SH3BP5: variants seen among roughly 807,000 people sequenced by gnomAD.
SH3BP5 encodes the protein SH3 domain binding protein 5, also known as SH3 domain-binding protein 5.
A neutral mutation model predicts 43.3 loss-of-function variants in SH3BP5; 22 were observed. That is an observed-to-expected ratio of 0.51 (90% CI 0.36 to 0.73). The LOEUF (loss-of-function observed/expected upper bound fraction) is 0.73, where lower values mean the gene tolerates loss of function less well. Ranked by LOEUF, SH3BP5 falls within the 30% of genes least tolerant of loss-of-function variation. SH3BP5 has a pLI of 0.00. For missense variants in SH3BP5, 529 were observed against 586.9 expected (o/e 0.90, Z 1.02); for synonymous variants, 255 against 225.8 (o/e 1.13, Z -1.16).
At chr3:15,263,122 A>G (rs1334083895) in intron 4 of SH3BP5, among the ~76,000 whole-genome samples, 1 of 152,244 alleles carries the variant, frequency 6.6e-6, no homozygotes, top group African/African-American at 2.4e-5. Flanking sequence ...TGGCTGTGGC[A>G]ATGACTGAGA....
intron 3 of SH3BP5, among the ~76,000 whole-genome samples, chr3:15,289,441 G>A (rs1321949101): frequency 6.6e-6 from 1 of 152,202 alleles, no homozygotes; most frequent in African/African-American, 2.4e-5. Flanking sequence ...ACAAGGTGAC[G>A]TGGAAGATTG....
chr3:15,271,071 TTAAA>T (rs1696784388), intron 3 of SH3BP5, among the ~76,000 whole-genome samples: 1 of 151,716 alleles, frequency 6.6e-6, no homozygotes, highest in South Asian at 2.1e-4. Context: ...TTAAATTAAA[TTAAA>T]TATATTATTA....
intron 2 of SH3BP5, among the ~76,000 whole-genome samples, chr3:15,311,774 A>G (rs1336106595): frequency 1.3e-5 from 2 of 152,072 alleles, no homozygotes; most frequent in Non-Finnish European, 1.5e-5. Context: ...CCTGGGCTCA[A>G]GCAATGCCCC....
chr3:15,291,918 G>GA (rs1206557004), intron 3 of SH3BP5, among the ~76,000 whole-genome samples: 1 of 152,156 alleles, frequency 6.6e-6, no homozygotes, highest in Non-Finnish European at 1.5e-5. Context: ...GGAAGAAGTA[G>GA]AAAAGAAAGG....
At position 15,262,147 on chromosome 3, in the gene SH3BP5, G is replaced by C; in HGVS notation, c.626+12C>G. On this transcript the variant is annotated intron_variant, in intron 5 of 8. Coordinates refer to ENST00000383791, the MANE Select transcript of SH3BP5 (RefSeq NM_004844.5). Reference sequence around the variant, plus strand: ...GCCGCACGGCCCCAGGGAAGGCCCTGTCCAGACTTACTTGGACTTGTTGAT... The same window carrying C: ...GCCGCACGGCCCCAGGGAAGGCCCTCTCCAGACTTACTTGGACTTGTTGAT... 1 of 1,613,990 alleles carries C rather than the reference G, an allele frequency of 6.2e-7. No individual in the cohort carries two copies. The highest frequency in any genetic ancestry group is 8.5e-7 in the Non-Finnish European group (1 of 1,179,912).
chr3:15,315,812 C>T (rs1698170986), intron 2 of SH3BP5, among the ~76,000 whole-genome samples: 1 of 152,122 alleles, frequency 6.6e-6, no homozygotes, highest in East Asian at 1.9e-4. Context: ...GGGCAAAAGG[C>T]TCTTTAACTT....
chr3:15,329,246 A>G (rs1448632511), intron 2 of SH3BP5, among the ~76,000 whole-genome samples: 2 of 152,218 alleles, frequency 1.3e-5, no homozygotes, highest in African/African-American at 4.8e-5. Flanking sequence ...ACAGGATGGA[A>G]TGAGCTAAAA....
chr3:15,272,149 T>C (rs1696819284), intron 3 of SH3BP5, among the ~76,000 whole-genome samples: 1 of 152,050 alleles, frequency 6.6e-6, no homozygotes, highest in African/African-American at 2.4e-5. Flanking sequence ...TGAAGAAGGT[T>C]AAAGAAGGGG....
intron 2 of SH3BP5, among the ~76,000 whole-genome samples, chr3:15,307,814 C>T (rs1246455811): frequency 6.6e-6 from 1 of 152,228 alleles, no homozygotes; most frequent in Non-Finnish European, 1.5e-5. Context: ...CAGTGCTGTC[C>T]ACATTCACAC....
chr3:15,263,273 C>A (rs770771826), intron 4 of SH3BP5, among the ~76,000 whole-genome samples: 1 of 152,188 alleles, frequency 6.6e-6, no homozygotes, highest in Non-Finnish European at 1.5e-5. Context: ...GCCTGATGGG[C>A]AGGCAAATGG....
At chr3:15,324,684 G>A (rs138442053) in intron 2 of SH3BP5, among the ~76,000 whole-genome samples, 45 of 152,228 alleles carry the variant, frequency 3.0e-4, no homozygotes, top group Non-Finnish European at 5.4e-4. Flanking sequence ...CCACCCACAC[G>A]TTTTAATGGA....
chr3:15,261,514 C>T lies in SH3BP5; in HGVS notation c.626+645G>A, dbSNP rs773774591. On this transcript the variant is annotated intron_variant, in intron 5 of 8. Coordinates refer to ENST00000383791, the MANE Select transcript of SH3BP5 (RefSeq NM_004844.5). ...ACAGGCATTCAGTAGCCCTGCACAGCCTGCTCTGGGTCTATCTTTGGCTGT... is the reference window on the plus strand; with the variant it reads ...ACAGGCATTCAGTAGCCCTGCACAGTCTGCTCTGGGTCTATCTTTGGCTGT... 3.9e-5 allele frequency among the ~76,000 whole-genome samples: 6 copies of T among 152,294 alleles called. No homozygotes were observed. The South Asian group carries it at 1.2e-3, about 32-fold the overall frequency.
Position 15,303,194 on chromosome 3 carries a change from C to A in SH3BP5, c.330+909G>T, listed in dbSNP as rs1039283847. On this transcript the variant is annotated intron_variant, in intron 3 of 8. Transcript: ENST00000383791. ...TCATAAACACACCACAGGGACAGCA[C>A]TGGGTCATTTGCTAGTGAACTACAA... Among the ~76,000 whole-genome samples, 9 of 152,230 alleles carry A rather than the reference C, an allele frequency of 5.9e-5. 1 individual carries two copies. Among genetic ancestry groups the A allele is most frequent in the Admixed American group, 5.9e-4 (9 of 15,282 alleles).
In SH3BP5 at chr3:15,330,836, C is replaced by T. The variant is rs574724300; in HGVS notation, c.139-270G>A. The T allele has an allele frequency of 7.6e-5, 54 of 708,514 alleles. 1 individual carries two copies. The African/African-American group carries it at 9.6e-4, about 13-fold the overall frequency. 43.9% of individuals were successfully genotyped at this position (708,514 alleles called of 1,614,324 possible). A position where few individuals can be genotyped will look rare whatever the true frequency, so the allele number is the denominator to read the frequency against. ...AGAGGTCAACTATTCCAGGTACATG[C>T]CTTCAGGTAAACCCCACCTGTTACA... is the stretch of plus-strand genomic sequence containing the variant. On this transcript the variant is annotated intron_variant, in intron 1 of 8. Coordinates refer to ENST00000383791, the MANE Select transcript of SH3BP5 (RefSeq NM_004844.5).
chr3:15,299,056 T>C (rs1023775443), intron 3 of SH3BP5, among the ~76,000 whole-genome samples: 2 of 152,168 alleles, frequency 1.3e-5, no homozygotes, highest in Admixed American at 6.5e-5. Flanking sequence ...AAAGAAGGGT[T>C]GGGACTGATA....
chr3:15,257,058 G>T lies in SH3BP5; in HGVS notation c.945C>A (p.Asp315Glu). 6.2e-7 allele frequency: 1 copy of T among 1,614,198 alleles called. No homozygotes were observed. Among genetic ancestry groups the T allele is most frequent in the Non-Finnish European group, 8.5e-7 (1 of 1,180,030 alleles). Reference protein sequence around the residue: ...DSCSNFVSEDDSETQSVSSFS... With the variant: ...DSCSNFVSEDESETQSVSSFS... ...AGCTGGACACGGACTGGGTTTCCGAGTCATCTTCAGACACAAAGTTGCTAC... is the reference window on the plus strand; with the variant it reads ...AGCTGGACACGGACTGGGTTTCCGATTCATCTTCAGACACAAAGTTGCTAC... Residue 315 changes from aspartate to glutamate, a missense_variant, in exon 8 of 9, where the codon GAC becomes GAA. Physicochemically the swap from Asp to Glu is conservative, Grantham distance 45. Coordinates refer to ENST00000383791, the MANE Select transcript of SH3BP5 (RefSeq NM_004844.5).
At position 15,259,016 on chromosome 3, in the gene SH3BP5, T is replaced by A. The variant is rs1239760354; in HGVS notation, c.704A>T (p.Lys235Ile). The A allele has an allele frequency of 1.9e-6, 3 of 1,614,116 alleles. No individual in the cohort carries two copies. In the African/African-American group the frequency reaches 4.0e-5, roughly 22 times the overall value. ...GTACTCGCCTTTTGCCAGGGTCAGT[T>A]TGGCCTGCAGGTCATCCACAGTCTT... is the stretch of plus-strand genomic sequence containing the variant. ...LKKTVDDLQA[K>I]LTLAKGEYKM... Residue 235 changes from lysine (K) to isoleucine (I), a missense_variant, in exon 7 of 9, where the codon AAA (lysine) becomes ATA (isoleucine). Lys to Ile is a moderately radical substitution (Grantham distance 102). This residue lies in a region of SH3BP5 where 369 missense variants were observed against 384.3 expected (regional missense o/e 0.96). Transcript: ENST00000383791.
chr3:15,283,830 G>A (rs1466725776), intron 3 of SH3BP5, among the ~76,000 whole-genome samples: 1 of 152,196 alleles, frequency 6.6e-6, no homozygotes, highest in African/African-American at 2.4e-5. Flanking sequence ...CCCTGATGGA[G>A]GGAGGATAAA....
In SH3BP5 at chr3:15,269,277, A is replaced by G. The variant is rs1347924959; in HGVS notation, c.495+436T>C. 4.6e-5 allele frequency among the ~76,000 whole-genome samples: 7 copies of G among 152,152 alleles called. No homozygotes were observed. In the East Asian group the frequency reaches 5.8e-4, roughly 13 times the overall value. Reference sequence around the variant, plus strand: ...ACACCTGATTCTGGTCTAATCCGCCATGACCCCTGCCTTCCTCCGACAGCA... The same window carrying G: ...ACACCTGATTCTGGTCTAATCCGCCGTGACCCCTGCCTTCCTCCGACAGCA... On this transcript the variant is annotated intron_variant, in intron 4 of 8. Transcript: ENST00000383791.
Sources: allele counts gnomAD v4.1 joint callset (sites outside exome capture counted in the v4.1 genomes callset), GRCh38; gene constraint gnomAD v4.1.1; regional missense constraint gnomAD v4.1.1; transcripts MANE v1.5; gene names NCBI Gene and HGNC (gene_info 2026-07-23, HGNC 2026-07-21).